Variants in CREB3L4 observed in about 807,000 individuals in gnomAD.
CREB3L4 encodes cAMP responsive element binding protein 3 like 4.
A neutral mutation model predicts 37.0 loss-of-function variants in CREB3L4; 28 were observed. The ratio of observed to expected loss-of-function variants is 0.76; its 90% CI spans 0.56 to 1.04. CREB3L4 has a LOEUF of 1.04. Among genes scored for constraint, CREB3L4 ranks in the 50% least tolerant of loss-of-function variants. The pLI is 0.00. For missense variants in CREB3L4, 462 were observed against 486.0 expected (o/e 0.95, Z 0.46); for synonymous variants, 175 against 192.2 (o/e 0.91, Z 0.74).
At chr1:153,971,979 C>T (rs939145630) in intron 4 of CREB3L4, among the ~76,000 whole-genome samples, 9 of 152,142 alleles carry the variant, frequency 5.9e-5, no homozygotes, top group Admixed American at 3.9e-4. Flanking sequence ...CCCACCACCA[C>T]GCCCTGCTAA....
At position 153,973,981 on chromosome 1, in the gene CREB3L4, A is replaced by T. The variant is rs1557887656; in HGVS notation, c.1104A>T (p.Ser368=). ...CTGGAGCCAAGGATGCAAATGGCTC[A>T]ACAAGGACACTGCTTGAGAAGATGG... ...EPPGAKDANG[S]TRTLLEKMGG... Residue 368 remains serine (S), a synonymous_variant, in exon 10 of 10, where the codon TCA becomes TCT. Transcript: ENST00000368607. The T allele has an allele frequency of 6.2e-7, 1 of 1,614,214 alleles. No individual in the cohort carries two copies. Among genetic ancestry groups the T allele is most frequent in the East Asian group, 2.2e-5 (1 of 44,884 alleles).
Position 153,973,438 on chromosome 1 carries a change from G to C in CREB3L4, c.871G>C (p.Ala291Pro), listed in dbSNP as rs1177476764. The stretch of plus-strand genomic sequence containing the variant: ...GCTAATTGCTCAAACTTCCAACAAA[G>C]CTGCCCAGACCAGCACTTGTGTTTT... ...QTLIAQTSNK[A>P]AQTSTCVLIL... The change falls in exon 8 of 10, where the codon GCT becomes CCT. Residue 291 changes from alanine to proline, a missense_variant. Physicochemically the swap from Ala to Pro is conservative, Grantham distance 27. Coordinates refer to ENST00000368607, the MANE Select transcript of CREB3L4 (RefSeq NM_001255978.2). 6.2e-7 allele frequency: 1 copy of C among 1,613,872 alleles called. No homozygotes were observed. The highest frequency in any genetic ancestry group is 2.2e-5 in the East Asian group (1 of 44,884).
chr1:153,973,870 A>C lies in CREB3L4; in HGVS notation c.995-2A>C, dbSNP rs1648657672. 6.2e-7 allele frequency: 1 copy of C among 1,613,712 alleles called. No individual in the cohort carries two copies. The highest frequency in any genetic ancestry group is 1.3e-5 in the African/African-American group (1 of 74,898). The stretch of plus-strand genomic sequence containing the variant: ...TACTGCCCTCTTGCCTTCACCTCAC[A>C]GTGACTTCCAGAAATATCCTGACCC... On this transcript the variant is annotated splice_acceptor_variant, in intron 9 of 9. Transcript: ENST00000368607. LOFTEE classifies it high-confidence loss of function.
At chr1:153,967,524 G>C (rs1647876842), upstream of CREB3L4, 1 of 152,178 alleles carries the variant, frequency 6.6e-6, no homozygotes, top group South Asian at 2.1e-4. Context: ...AGTGGCTCGC[G>C]CCTGTGGTCC....
intron 1 of CREB3L4, 112 bp from the exon 2 acceptor site, chr1:153,968,410 T>TGG (rs1038322619): frequency 1.3e-6 from 1 of 754,864 alleles, no homozygotes; most frequent in South Asian, 1.8e-5. Flanking sequence ...GAGGAAGGAG[T>TGG]GGGGGGGCGG....
rs1648689977 is a variant in CREB3L4 at position 153,974,136 on chromosome 1, C to T, written c.*71C>T. The T allele has an allele frequency of 2.8e-6, 4 of 1,446,138 alleles. No homozygotes were observed. The allele number at this position is 1,446,138 out of a possible 1,614,324, so 89.6% of individuals were successfully genotyped here. A position where few individuals can be genotyped will look rare whatever the true frequency, so the allele number is the denominator to read the frequency against. ...TGGGCTTCCTTATGGCTTTGCTTCC[C>T]ACTGGGATTCCTACTTAGGTGTCTG... is the stretch of plus-strand genomic sequence containing the variant. On this transcript the variant is annotated 3_prime_UTR_variant, in exon 10 of 10. Coordinates refer to ENST00000368607, the MANE Select transcript of CREB3L4 (RefSeq NM_001255978.2).
intron 4 of CREB3L4, among the ~76,000 whole-genome samples, chr1:153,971,027 G>C (rs867930450): frequency 1.5e-4 from 22 of 146,476 alleles, no homozygotes; most frequent in Middle Eastern, 7.0e-3. Context: ...ACAGGCATGA[G>C]CCACCGCACC....
rs368886562 is a variant in CREB3L4 at position 153,972,734 on chromosome 1, C to G, written c.544-10C>G. On this transcript the variant is annotated splice_polypyrimidine_tract_variant and intron_variant, in intron 4 of 9. Transcript: ENST00000368607. ...ACTCCTATTGCATCTTCTCCTGCCC[C>G]TACCCCCAGCTGCCCTGTCAAACCC... 460 of 1,611,926 alleles carry G rather than the reference C, an allele frequency of 2.9e-4. 5 individuals carry two copies. In the South Asian group the frequency reaches 4.5e-3, roughly 16 times the overall value.
intron 4 of CREB3L4, among the ~76,000 whole-genome samples, chr1:153,970,683 C>G (rs939975612): frequency 6.6e-6 from 1 of 150,606 alleles, no homozygotes; most frequent in East Asian, 2.0e-4. Context: ...GTCCTAGCCT[C>G]TCTTCAAATC....
chr1:153,969,637 G>T (rs1646584235), intron 4 of CREB3L4, 182 bp downstream of exon 4: 3 of 616,088 alleles, frequency 4.9e-6, no homozygotes, highest in Non-Finnish European at 8.3e-6. Context: ...TTGAGCCAGG[G>T]TCTTACTCTG....
At position 153,974,065 on chromosome 1, in the gene CREB3L4, A is replaced by T; in HGVS notation, c.1188A>T (p.Ter396CysextTer52). ...IRSVLHADEM[*>C] ...CCGTGCTGCATGCAGATGAGATGTGAGCTGGAACAGACCTTCCTGGCCCAC... is the reference window on the plus strand; with the variant it reads ...CCGTGCTGCATGCAGATGAGATGTGTGCTGGAACAGACCTTCCTGGCCCAC... The change falls in exon 10 of 10, where the codon TGA becomes TGT. Residue 396 changes from the stop codon to cysteine (C), a stop_lost. Transcript: ENST00000368607. The T allele has an allele frequency of 6.2e-7, 1 of 1,612,108 alleles. No individual in the cohort carries two copies. The highest frequency in any genetic ancestry group is 1.8e-4 in the Middle Eastern group (1 of 5,468).
At chr1:153,973,136 T>G (rs1030123356) in intron 6 of CREB3L4, 58 bp downstream of exon 6, 927 of 1,610,636 alleles carry the variant, frequency 5.8e-4, no homozygotes, top group Non-Finnish European at 7.3e-4. Context: ...TTCCTCACCA[T>G]GGGAGGCAAG....
At chr1:153,972,874 C>T (rs1648523333) in intron 5 of CREB3L4, 38 bp downstream of exon 5, 1 of 1,601,152 alleles carries the variant, frequency 6.2e-7, no homozygotes, top group South Asian at 1.1e-5. Context: ...AACCCAGGGG[C>T]CTCACCATGA....
At position 153,973,479 on chromosome 1, in the gene CREB3L4, T is replaced by C; in HGVS notation, c.897+15T>C. 2 of 1,607,780 alleles carry C rather than the reference T, an allele frequency of 1.2e-6. No homozygotes were observed. The highest frequency in any genetic ancestry group is 1.7e-6 in the Non-Finnish European group (2 of 1,174,204). The stretch of plus-strand genomic sequence containing the variant: ...CTTGTGTTTTGGTACCATTAGTCTA[T>C]CTACTCCCATCTCCCCCCACACTTC... On this transcript the variant is annotated intron_variant, in intron 8 of 9. Transcript: ENST00000368607.
chr1:153,973,405 C>G lies in CREB3L4; in HGVS notation c.838C>G (p.Leu280Val), dbSNP rs1648597763. ...NISLVAQLRQ[L>V]QTLIAQTSNK... is the part of the protein sequence containing the mutation. ...CTCCTTGGTAGCTCAGCTCCGCCAGCTGCAGACGCTAATTGCTCAAACTTC... is the reference window on the plus strand; with the variant it reads ...CTCCTTGGTAGCTCAGCTCCGCCAGGTGCAGACGCTAATTGCTCAAACTTC... The change falls in exon 8 of 10, where the codon CTG (leucine) becomes GTG (valine). Residue 280 changes from leucine to valine, a missense_variant. Coordinates refer to ENST00000368607, the MANE Select transcript of CREB3L4 (RefSeq NM_001255978.2). 6.2e-7 allele frequency: 1 copy of G among 1,614,160 alleles called. No individual in the cohort carries two copies. Among genetic ancestry groups the G allele is most frequent in the East Asian group, 2.2e-5 (1 of 44,882 alleles).
rs770374896 is a variant in CREB3L4 at position 153,973,478 on chromosome 1, A to G, written c.897+14A>G. ...ACTTGTGTTTTGGTACCATTAGTCT[A>G]TCTACTCCCATCTCCCCCCACACTT... On this transcript the variant is annotated intron_variant, in intron 8 of 9. Transcript: ENST00000368607. 1.0e-5 allele frequency: 16 copies of G among 1,607,062 alleles called. No homozygotes were observed. The highest frequency in any genetic ancestry group is 1.1e-5 in the Non-Finnish European group (13 of 1,173,728).
chr1:153,974,220 G>A lies in CREB3L4; in HGVS notation c.*155G>A. ...AAGAGATGTCCTTTAGTCTCTGCCT[G>A]AGGCCTAGTCTGCATTTGTTTGCAT... On this transcript the variant is annotated 3_prime_UTR_variant, in exon 10 of 10. Coordinates refer to ENST00000368607, the MANE Select transcript of CREB3L4 (RefSeq NM_001255978.2). The A allele has an allele frequency of 1.6e-6, 1 of 638,032 alleles. No homozygotes were observed. Among genetic ancestry groups the A allele is most frequent in the Non-Finnish European group, 2.7e-6 (1 of 373,104 alleles). 39.5% of individuals were successfully genotyped at this position (638,032 alleles called of 1,614,324 possible). A position where few individuals can be genotyped will look rare whatever the true frequency, so the allele number is the denominator to read the frequency against.
rs35553007 is a variant in CREB3L4, at chr1:153,970,739, C to CTTT, written c.543+1307_543+1309dup. Among the ~76,000 whole-genome samples the CTTT allele has an allele frequency of 8.8e-3, 770 of 87,142 alleles. 44 individuals are homozygous for CTTT. The highest frequency in any genetic ancestry group is 0.012 in the Non-Finnish European group (574 of 47,318). The allele number at this position is 87,142 out of a possible 152,430, so 57.2% of individuals were successfully genotyped here. Reference sequence around the variant, plus strand: ...GAAGCCAAGCTAAGCATCTTAGAATCTTTTTTTTTTTTTTTTTTTTTTTTT... The same window carrying CTTT: ...GAAGCCAAGCTAAGCATCTTAGAATCTTTTTTTTTTTTTTTTTTTTTTTTTTTT... On this transcript the variant is annotated intron_variant, in intron 4 of 9. Transcript: ENST00000368607.
intron 4 of CREB3L4, among the ~76,000 whole-genome samples, chr1:153,971,099 G>C (rs536875127): frequency 7.3e-3 from 2 of 274 alleles, no homozygotes; most frequent in Admixed American, 0.045. Context: ...GGCCGGGCGC[G>C]GTGCTCATGC....
Sources: allele counts gnomAD v4.1 joint callset (sites outside exome capture counted in the v4.1 genomes callset), GRCh38; gene constraint gnomAD v4.1.1; transcripts MANE v1.5; gene names NCBI Gene and HGNC (gene_info 2026-07-23, HGNC 2026-07-21).